The following MAD1L1 variants were observed in gnomAD, a reference collection of about 807,000 sequenced individuals.
MAD1L1 encodes mitotic arrest deficient 1 like 1.
Under a neutral mutation model 96.9 loss-of-function variants are expected in MAD1L1, and 95 were observed. The ratio of observed to expected loss-of-function variants is 0.98; its 90% CI spans 0.83 to 1.16. MAD1L1 has a LOEUF of 1.16. Among genes scored for constraint, MAD1L1 ranks in the 50% most tolerant of loss-of-function variants. MAD1L1 has a pLI of 0.00. For synonymous variants in MAD1L1, 473 were observed against 396.6 expected (o/e 1.19, Z -2.29); for missense variants, 1,007 against 954.4 (o/e 1.06, Z -0.73).
At chr7:1,882,955 ACAAACGAC>A (rs1785780727) in intron 18 of MAD1L1, among the ~76,000 whole-genome samples, 2 of 134,226 alleles carry the variant, frequency 1.5e-5, no homozygotes, top group African/African-American at 6.0e-5. Flanking sequence ...ACCTGGTGTC[ACAAACGAC>A]TCCAGGAACC....
In MAD1L1 at chr7:1,852,191, C is replaced by T. The variant is rs927451400; in HGVS notation, c.1999-35963G>A. Reference sequence around the variant, plus strand: ...CTGTGGGGACACAGGTTGGGATGGACGTGACCCAGCACTGGGCGAGGATCC... The same window carrying T: ...CTGTGGGGACACAGGTTGGGATGGATGTGACCCAGCACTGGGCGAGGATCC... On this transcript the variant is annotated intron_variant, in intron 18 of 18. Transcript: ENST00000265854. 2.6e-5 allele frequency among the ~76,000 whole-genome samples: 4 copies of T among 152,318 alleles called. No individual in the cohort carries two copies. In the South Asian group the frequency reaches 6.2e-4, roughly 24 times the overall value.
At chr7:1,829,914 G>A (rs905129161) in intron 18 of MAD1L1, among the ~76,000 whole-genome samples, 6 of 152,196 alleles carry the variant, frequency 3.9e-5, no homozygotes, top group African/African-American at 1.4e-4. Flanking sequence ...TAAGAAGACA[G>A]TGAGATCACC....
chr7:2,138,653 A>T (rs1788875162), intron 11 of MAD1L1, among the ~76,000 whole-genome samples: 1 of 152,158 alleles, frequency 6.6e-6, no homozygotes, highest in Admixed American at 6.5e-5. Flanking sequence ...TCACTCTGAG[A>T]ACCCCAGGCC....
chr7:2,006,741 G>A lies in MAD1L1; in HGVS notation c.1360-4620C>T, dbSNP rs933296348. Among the ~76,000 whole-genome samples, 3 of 152,034 alleles carry A rather than the reference G, an allele frequency of 2.0e-5. No individual in the cohort carries two copies. In the East Asian group the frequency reaches 5.8e-4, roughly 29 times the overall value. On this transcript the variant is annotated intron_variant, in intron 13 of 18. Transcript: ENST00000265854. ...AGGCGAGGCAGGACATTGGGGTCCC[G>A]AGAGACCCAAGACGACGCTCTCTGT...
chr7:2,096,882 T>C (rs1183472165), intron 11 of MAD1L1, among the ~76,000 whole-genome samples: 1 of 152,050 alleles, frequency 6.6e-6, no homozygotes, highest in Non-Finnish European at 1.5e-5. Flanking sequence ...CCCACCCTCA[T>C]AGCCGGTGAC....
intron 10 of MAD1L1, among the ~76,000 whole-genome samples, chr7:2,150,442 C>A (rs1420176809): frequency 6.6e-6 from 1 of 152,206 alleles, no homozygotes; most frequent in Non-Finnish European, 1.5e-5. Context: ...GCACCCTACC[C>A]ATGGGCCCCC....
rs1327636103 is a variant in MAD1L1, at chr7:2,142,608, G to A, written c.1073+6544C>T. On this transcript the variant is annotated intron_variant, in intron 11 of 18. Transcript: ENST00000265854. The surrounding 1 kb of genome is among the most constrained non-coding windows in gnomAD (Gnocchi z 4.7). ...CGTGCCCTGCCACAGCCCTGGACCA[G>A]ACAGGCATGGCAGGCTGCCACCGTG... Among the ~76,000 whole-genome samples the A allele has an allele frequency of 2.6e-5, 4 of 152,234 alleles. No homozygotes were observed. The highest frequency in any genetic ancestry group is 4.4e-5 in the Non-Finnish European group (3 of 68,042).
At chr7:1,845,064 G>A (rs1042600938) in intron 18 of MAD1L1, among the ~76,000 whole-genome samples, 2 of 152,242 alleles carry the variant, frequency 1.3e-5, no homozygotes, top group South Asian at 2.1e-4. Flanking sequence ...CCTGGCGGGC[G>A]CGGGAGGCAG....
At chr7:1,988,461 C>T (rs1434890531) in intron 14 of MAD1L1, among the ~76,000 whole-genome samples, 1 of 152,210 alleles carries the variant, frequency 6.6e-6, no homozygotes, top group Non-Finnish European at 1.5e-5. Context: ...AGTGACAGGG[C>T]AGGGAAGCCC....
At position 2,215,869 on chromosome 7, in the gene MAD1L1, C is replaced by A. The variant is rs1328107203; in HGVS notation, c.924+16G>T. On this transcript the variant is annotated intron_variant, in intron 9 of 18. Transcript: ENST00000265854. ...AGAGGACACCCACAGGAACCGCACA[C>A]CACACAGGCCCTCACCTCGTTCTCC... 2 of 1,613,134 alleles carry A rather than the reference C, an allele frequency of 1.2e-6. No individual in the cohort carries two copies. Among genetic ancestry groups the A allele is most frequent in the Admixed American group, 1.7e-5 (1 of 60,022 alleles).
At chr7:1,902,914 G>A (rs1220282353) in intron 17 of MAD1L1, among the ~76,000 whole-genome samples, 1 of 151,756 alleles carries the variant, frequency 6.6e-6, no homozygotes, top group East Asian at 1.9e-4. Context: ...GTGGCCTATG[G>A]AAGACGTTCT....
chr7:2,007,469 G>A (rs1303068877), intron 13 of MAD1L1, among the ~76,000 whole-genome samples: 1 of 151,852 alleles, frequency 6.6e-6, no homozygotes, highest in East Asian at 1.9e-4. Context: ...ATCACCTGAA[G>A]TCAGGAGTTT....
At position 2,213,125 on chromosome 7, in the gene MAD1L1, T is replaced by C. The variant is rs182822465; in HGVS notation, c.986+87A>G. On this transcript the variant is annotated intron_variant, in intron 10 of 18. Transcript: ENST00000265854. ...GCCACAGAGATGCCTGGCTGGAGAC[T>C]GCGCTGGTGAGCCGGAAGCAGGCTC... 90 of 1,404,728 alleles carry C rather than the reference T, an allele frequency of 6.4e-5. No individual in the cohort carries two copies. The East Asian group carries it at 1.8e-3, about 28-fold the overall frequency. 87.0% of individuals were successfully genotyped at this position (1,404,728 alleles called of 1,614,324 possible). A position where few individuals can be genotyped will look rare whatever the true frequency, so the allele number is the denominator to read the frequency against.
rs1173283446 is a variant in MAD1L1 at position 2,159,086 on chromosome 7, G to A, written c.987-9848C>T. 2.6e-5 allele frequency among the ~76,000 whole-genome samples: 4 copies of A among 152,302 alleles called. No homozygotes were observed. In the East Asian group the frequency reaches 5.8e-4, roughly 22 times the overall value. On this transcript the variant is annotated intron_variant, in intron 10 of 18. Transcript: ENST00000265854. ...AAGGTCACTCTTACCCCATGGAAAG[G>A]GACCCAGGCAAGGTGTGGTTTCAGG...
intron 18 of MAD1L1, among the ~76,000 whole-genome samples, chr7:1,874,819 G>A (rs937756981): frequency 6.6e-6 from 1 of 152,108 alleles, no homozygotes; most frequent in Non-Finnish European, 1.5e-5. Flanking sequence ...AGAGAGGAGG[G>A]GCAGGTATAG....
At chr7:2,117,561 G>C (rs555782662) in intron 11 of MAD1L1, among the ~76,000 whole-genome samples, 1 of 152,332 alleles carries the variant, frequency 6.6e-6, no homozygotes, top group East Asian at 1.9e-4. Flanking sequence ...GTGATAGTGA[G>C]CTCTCGAGAG....
intron 13 of MAD1L1, among the ~76,000 whole-genome samples, chr7:2,014,216 C>T (rs750760468): frequency 1.9e-4 from 29 of 152,166 alleles, no homozygotes; most frequent in Non-Finnish European, 4.3e-4. Flanking sequence ...CATCATGAGG[C>T]GGTCCTAACC....
intron 11 of MAD1L1, among the ~76,000 whole-genome samples, chr7:2,078,672 G>A (rs1284467168): frequency 6.6e-6 from 1 of 152,208 alleles, no homozygotes; most frequent in Non-Finnish European, 1.5e-5. Flanking sequence ...GGGTGCTCCT[G>A]GGTACATGAC....
At chr7:1,856,043 G>A (rs369042442) in intron 18 of MAD1L1, among the ~76,000 whole-genome samples, 18 of 152,304 alleles carry the variant, frequency 1.2e-4, no homozygotes, top group East Asian at 5.8e-4. Flanking sequence ...GGGAGCTCTC[G>A]GCTTCTTCAT....
Sources: allele counts gnomAD v4.1 joint callset (sites outside exome capture counted in the v4.1 genomes callset), GRCh38; gene constraint gnomAD v4.1.1; non-coding constraint Gnocchi (gnomAD v3.1); transcripts MANE v1.5; gene names NCBI Gene and HGNC (gene_info 2026-07-23, HGNC 2026-07-21).